The following STRBP variants were observed in gnomAD, a reference collection of about 807,000 sequenced individuals.
The protein encoded by STRBP is spermatid perinuclear RNA binding protein, also known as spermatid perinuclear RNA-binding protein.
In STRBP, 13 loss-of-function variants were observed where a neutral mutation model predicts 80.1. That is an observed-to-expected ratio of 0.16 (90% CI 0.11 to 0.26). The LOEUF (loss-of-function observed/expected upper bound fraction) is 0.26. STRBP is among the 10% of genes least tolerant of loss of function. The pLI, the probability that STRBP is intolerant of heterozygous loss-of-function variation, is 1.00. For missense variants in STRBP, 485 were observed against 815.2 expected (o/e 0.59, Z 4.93); for synonymous variants, 284 against 291.2 (o/e 0.98, Z 0.25).
At chr9:123,210,497 A>G (rs1228845673) in intron 2 of STRBP, among the ~76,000 whole-genome samples, 1 of 152,152 alleles carries the variant, frequency 6.6e-6, no homozygotes. Context: ...ACAGAAGGTA[A>G]AACACAAAAC....
chr9:123,229,164 C>A (rs183628862), intron 2 of STRBP, among the ~76,000 whole-genome samples: 7 of 152,272 alleles, frequency 4.6e-5, no homozygotes, highest in African/African-American at 1.4e-4. Flanking sequence ...AGATTAGTAG[C>A]TGCCAGGAAC....
intron 1 of STRBP, among the ~76,000 whole-genome samples, chr9:123,252,889 A>C (rs74952514): frequency 0.012 from 1,766 of 152,334 alleles, 19 homozygotes; most frequent in Non-Finnish European, 0.02. Context: ...ACACAGTAGA[A>C]AAGTGACAAG....
At chr9:123,153,718 T>C (rs1474518680) in intron 11 of STRBP, among the ~76,000 whole-genome samples, 2 of 152,152 alleles carry the variant, frequency 1.3e-5, no homozygotes, top group East Asian at 1.9e-4. Context: ...TGTAGCGATA[T>C]TGAGGAGGCA....
At position 123,110,500 on chromosome 9, in the gene STRBP, G is replaced by C. The variant is rs1488646823; in HGVS notation, c.*85-747C>G. Reference sequence around the variant, plus strand: ...CTCAGCACAACAGGCCAGACAGATGGGTCCAGGATGAAAGGCCTGAGTCCA... The same window carrying C: ...CTCAGCACAACAGGCCAGACAGATGCGTCCAGGATGAAAGGCCTGAGTCCA... On this transcript the variant is annotated intron_variant and NMD_transcript_variant, in intron 3 of 3. Transcript: ENST00000471564. This position sits in a 1 kb window ranked among gnomAD's most constrained non-coding sequence, Gnocchi z 4.1. 1 of 169,228 alleles carries C rather than the reference G, an allele frequency of 5.9e-6. No individual in the cohort carries two copies. Among genetic ancestry groups the C allele is most frequent in the Non-Finnish European group, 1.5e-5 (1 of 68,248 alleles). The allele number at this position is 169,228 out of a possible 1,614,324, so 10.5% of individuals were successfully genotyped here.
chr9:123,203,435 C>T (rs962727514), intron 2 of STRBP, among the ~76,000 whole-genome samples: 1 of 152,092 alleles, frequency 6.6e-6, no homozygotes, highest in Admixed American at 6.5e-5. Context: ...TGAGTAAATA[C>T]TTCACAATAA....
intron 2 of STRBP, among the ~76,000 whole-genome samples, chr9:123,202,918 C>A (rs1344985983): frequency 6.6e-6 from 1 of 152,060 alleles, no homozygotes; most frequent in African/African-American, 2.4e-5. Context: ...CCACGTCCAC[C>A]ATAACCAACC....
intron 6 of STRBP, among the ~76,000 whole-genome samples, chr9:123,166,751 CCAG>C: frequency 1.2e-5 from 1 of 80,086 alleles, no homozygotes; most frequent in South Asian, 7.9e-4. Context: ...AAGACTGTCT[CCAG>C]CAACAACAAC....
intron 2 of STRBP, among the ~76,000 whole-genome samples, chr9:123,213,086 T>C (rs1374757761): frequency 6.6e-6 from 1 of 152,150 alleles, no homozygotes; most frequent in East Asian, 1.9e-4. Context: ...TCCTGAAAAA[T>C]AATCATCACC....
At chr9:123,147,320 A>T (rs946452863) in intron 12 of STRBP, among the ~76,000 whole-genome samples, 13 of 152,190 alleles carry the variant, frequency 8.5e-5, no homozygotes, top group Admixed American at 1.3e-4. Flanking sequence ...CAAAAAAGTT[A>T]TCCAATTATC....
chr9:123,235,101 A>G (rs1438411235), intron 2 of STRBP, among the ~76,000 whole-genome samples: 1 of 151,934 alleles, frequency 6.6e-6, no homozygotes, highest in East Asian at 1.9e-4. Context: ...ACTGAAACTG[A>G]ACTTCACTAA....
chr9:123,161,630 A>G (rs1349979853), intron 6 of STRBP, among the ~76,000 whole-genome samples: 1 of 152,234 alleles, frequency 6.6e-6, no homozygotes, highest in Non-Finnish European at 1.5e-5. Context: ...CCCATGATTG[A>G]GAACTCAAGT....
chr9:123,172,019 A>T (rs1353534998), intron 5 of STRBP, among the ~76,000 whole-genome samples: 3 of 152,224 alleles, frequency 2.0e-5, no homozygotes, highest in African/African-American at 7.2e-5. Context: ...GCACAGAGAA[A>T]GCTCTAACAA....
intron 1 of STRBP, among the ~76,000 whole-genome samples, chr9:123,248,651 G>C (rs558646041): frequency 6.6e-6 from 1 of 152,216 alleles, no homozygotes; most frequent in Admixed American, 6.5e-5. Context: ...AACAATGTGA[G>C]AATAAAAATA....
At position 123,115,347 on chromosome 9, in the gene STRBP, A is replaced by T. The variant is rs1282865786; in HGVS notation, c.*84+582T>A. 1 of 470,832 alleles carries T rather than the reference A, an allele frequency of 2.1e-6. No homozygotes were observed. Among genetic ancestry groups the T allele is most frequent in the East Asian group, 7.0e-5 (1 of 14,346 alleles). The allele number at this position is 470,832 out of a possible 1,614,324, so 29.2% of individuals were successfully genotyped here. Reference sequence around the variant, plus strand: ...GCTCCTCTCCTGCCCTCGGCGGGAGACCTGGGAACGGGCCTGCCAGCGCCC... The same window carrying T: ...GCTCCTCTCCTGCCCTCGGCGGGAGTCCTGGGAACGGGCCTGCCAGCGCCC... On this transcript the variant is annotated intron_variant and NMD_transcript_variant, in intron 3 of 3. Transcript: ENST00000471564. The surrounding 1 kb of genome is among the most constrained non-coding windows in gnomAD (Gnocchi z 5.0).
chr9:123,202,244 C>T (rs2039353821), intron 2 of STRBP, among the ~76,000 whole-genome samples: 1 of 152,108 alleles, frequency 6.6e-6, no homozygotes, highest in South Asian at 2.1e-4. Context: ...TGTGAAGTAT[C>T]ATTCTCTTCC....
intron 2 of STRBP, among the ~76,000 whole-genome samples, chr9:123,220,281 A>C (rs1037651061): frequency 6.6e-6 from 1 of 152,258 alleles, no homozygotes. Flanking sequence ...GTGACATCAT[A>C]AAGTGTACTT....
chr9:123,128,651 CTAAATA>C (rs1323459707), intron 17 of STRBP, among the ~76,000 whole-genome samples: 2 of 152,226 alleles, frequency 1.3e-5, no homozygotes, highest in Non-Finnish European at 2.9e-5. Context: ...TAGCCACTCT[CTAAATA>C]TAATTTGTTG....
At chr9:123,128,748 T>TAGTGAGAG (rs2036001888) in intron 17 of STRBP, among the ~76,000 whole-genome samples, 1 of 152,146 alleles carries the variant, frequency 6.6e-6, no homozygotes, top group African/African-American at 2.4e-5. Flanking sequence ...CTTCAGAAAG[T>TAGTGAGAG]AGTGAGAGAG....
At chr9:123,232,580 T>A (rs1313305873) in intron 2 of STRBP, among the ~76,000 whole-genome samples, 1 of 152,166 alleles carries the variant, frequency 6.6e-6, no homozygotes, top group Non-Finnish European at 1.5e-5. Flanking sequence ...GGGGCCAGAT[T>A]CTACCTCCCA....
Sources: allele counts gnomAD v4.1 joint callset (sites outside exome capture counted in the v4.1 genomes callset), GRCh38; gene constraint gnomAD v4.1.1; non-coding constraint Gnocchi (gnomAD v3.1); transcripts MANE v1.5; gene names NCBI Gene and HGNC (gene_info 2026-07-23, HGNC 2026-07-21).